Variants in EYA4 observed in about 807,000 individuals in gnomAD.
EYA4 encodes EYA transcriptional coactivator and phosphatase 4, also known as protein phosphatase EYA4.
In EYA4, 31 loss-of-function variants were observed where a neutral mutation model predicts 87.9. The ratio of observed to expected loss-of-function variants is 0.35; its 90% CI spans 0.27 to 0.48. The LOEUF is 0.48. Ranked by LOEUF, EYA4 falls within the 20% of genes least tolerant of loss-of-function variation. The probability of loss-of-function intolerance (pLI) is 0.99; values close to 1 mark genes in which losing one functional copy is unlikely to be tolerated. For missense variants in EYA4, 678 were observed against 761.4 expected (o/e 0.89, Z 1.29); for synonymous variants, 263 against 270.6 (o/e 0.97, Z 0.28).
rs554131765 is a variant in EYA4 at position 133,303,032 on chromosome 6, T to C, written c.33+28219T>C. Reference sequence around the variant, plus strand: ...CAATATGTTAATGAATGAATGTTACTGTGTTCTAATAAAACTTTATTTCCA... The same window carrying C: ...CAATATGTTAATGAATGAATGTTACCGTGTTCTAATAAAACTTTATTTCCA... On this transcript the variant is annotated intron_variant, in intron 2 of 19. Transcript: ENST00000355286. Among the ~76,000 whole-genome samples, 17 of 152,364 alleles carry C rather than the reference T, an allele frequency of 1.1e-4. No homozygotes were observed. The East Asian group carries it at 2.7e-3, about 24-fold the overall frequency.
intron 3 of EYA4, among the ~76,000 whole-genome samples, chr6:133,392,433 C>T (rs566227968): frequency 1.9e-4 from 29 of 152,158 alleles, no homozygotes; most frequent in African/African-American, 6.3e-4. Flanking sequence ...GTATTGAGAG[C>T]TCACCAATGG....
intron 5 of EYA4, among the ~76,000 whole-genome samples, chr6:133,455,373 AACATTT>A (rs151303254): frequency 0.02 from 2,983 of 152,240 alleles, 88 homozygotes; most frequent in African/African-American, 0.068. Context: ...TTCTGTTTCC[AACATTT>A]ACATTTCTCC....
rs544230974 is a variant in EYA4 at position 133,390,189 on chromosome 6, C to G, written c.83+7748C>G. Among the ~76,000 whole-genome samples, 12 of 152,186 alleles carry G rather than the reference C, an allele frequency of 7.9e-5. No individual in the cohort carries two copies. In the South Asian group the frequency reaches 2.5e-3, roughly 32 times the overall value. ...CACAAAAGGTCAGGGGTTTTCTGGG[C>G]TACCTGTTGTCCACTCTCCTAGTTC... On this transcript the variant is annotated intron_variant, in intron 3 of 19. Transcript: ENST00000355286.
At position 133,531,987 on chromosome 6, in the gene EYA4, G is replaced by T. The variant is rs565969311; in HGVS notation, c.*3182G>T. On this transcript the variant is annotated 3_prime_UTR_variant, in exon 20 of 20. Coordinates refer to ENST00000355286, the MANE Select transcript of EYA4 (RefSeq NM_004100.5). ...TCACAATGTCAAGGGTTTCTGTTAT[G>T]TATTAGTAAAGTATAGATTATTGGG... 6.6e-6 allele frequency: 1 copy of T among 152,276 alleles called. No homozygotes were observed. Among genetic ancestry groups the T allele is most frequent in the Non-Finnish European group, 1.5e-5 (1 of 68,018 alleles). The allele number at this position is 152,276 out of a possible 1,614,324, so 9.4% of individuals were successfully genotyped here.
At chr6:133,255,965 T>A (rs1775301740) in intron 1 of EYA4, among the ~76,000 whole-genome samples, 1 of 152,016 alleles carries the variant, frequency 6.6e-6, no homozygotes, top group Non-Finnish European at 1.5e-5. Flanking sequence ...GCATTTTCCA[T>A]AGAAAATACC....
intron 2 of EYA4, among the ~76,000 whole-genome samples, chr6:133,355,935 C>G (rs1277169408): frequency 6.6e-6 from 1 of 151,932 alleles, no homozygotes; most frequent in African/African-American, 2.4e-5. Context: ...ATGCATTTCT[C>G]ACAGGTCTGG....
intron 5 of EYA4, among the ~76,000 whole-genome samples, chr6:133,450,952 C>G (rs927333479): frequency 6.6e-6 from 1 of 152,192 alleles, no homozygotes; most frequent in African/African-American, 2.4e-5. Context: ...ATAATTACAT[C>G]TGCAGATTTA....
chr6:133,424,440 G>GC (rs777814237), intron 3 of EYA4, among the ~76,000 whole-genome samples: 3 of 152,066 alleles, frequency 2.0e-5, no homozygotes, highest in Non-Finnish European at 4.4e-5. Context: ...CCTGGTCTCG[G>GC]CCCCAACCCC....
intron 16 of EYA4, among the ~76,000 whole-genome samples, chr6:133,513,900 A>G (rs578153385): frequency 6.6e-6 from 1 of 152,310 alleles, no homozygotes; most frequent in East Asian, 1.9e-4. Flanking sequence ...CATACTATAC[A>G]TACATATATT....
intron 11 of EYA4, among the ~76,000 whole-genome samples, chr6:133,472,957 C>T (rs1795404569): frequency 6.6e-6 from 1 of 151,678 alleles, no homozygotes; most frequent in South Asian, 2.1e-4. Context: ...GTAGATCTTC[C>T]TCCATCCTTT....
rs141510332 is a variant in EYA4 at position 133,365,892 on chromosome 6, G to A, written c.34-16500G>A. 4.9e-3 allele frequency among the ~76,000 whole-genome samples: 748 copies of A among 152,270 alleles called. 7 individuals are homozygous for A. Among genetic ancestry groups the A allele is most frequent in the African/African-American group, 0.016 (684 of 41,540 alleles). On this transcript the variant is annotated intron_variant, in intron 2 of 19. Coordinates refer to ENST00000355286, the MANE Select transcript of EYA4 (RefSeq NM_004100.5). ...TTTGCACTAAGAATTGGCTAGCTCT[G>A]GGAGTATAGTCTCTTCCCATTCAGT...
chr6:133,464,283 A>T (rs2128663732), intron 9 of EYA4, among the ~76,000 whole-genome samples: 1 of 152,258 alleles, frequency 6.6e-6, no homozygotes, highest in South Asian at 2.1e-4. Context: ...CCTAATTCAC[A>T]GCTATTTTTG....
At chr6:133,425,293 G>T (rs1790571330) in intron 3 of EYA4, among the ~76,000 whole-genome samples, 1 of 150,590 alleles carries the variant, frequency 6.6e-6, no homozygotes, top group Admixed American at 6.6e-5. Context: ...GGTGTTAAAG[G>T]AACTTAGACA....
chr6:133,317,075 A>G (rs1284071346), intron 2 of EYA4, among the ~76,000 whole-genome samples: 3 of 152,230 alleles, frequency 2.0e-5, no homozygotes, highest in Non-Finnish European at 4.4e-5. Context: ...GGTTAGAGAG[A>G]CAAGAGTCTA....
intron 2 of EYA4, among the ~76,000 whole-genome samples, chr6:133,282,865 C>T (rs1777741568): frequency 6.6e-6 from 1 of 152,154 alleles, no homozygotes. Context: ...GGTGAGTTGT[C>T]AAGATCCCTG....
chr6:133,378,926 G>GGT (rs10681162), intron 2 of EYA4, among the ~76,000 whole-genome samples: 62,292 of 141,420 alleles, frequency 0.44, 14,313 homozygotes, highest in Non-Finnish European at 0.54. Flanking sequence ...TTTCTGTCTT[G>GGT]GTGTGTGTGT....
At chr6:133,268,446 G>A (rs1776404196) in intron 1 of EYA4, among the ~76,000 whole-genome samples, 2 of 152,064 alleles carry the variant, frequency 1.3e-5, no homozygotes. Flanking sequence ...GATTTTCCTC[G>A]GAAAGAGAGC....
chr6:133,391,216 G>GTTTTTTTTTTTTTTTTTTTTTTT (rs1171912624), intron 3 of EYA4, among the ~76,000 whole-genome samples: 2 of 68,954 alleles, frequency 2.9e-5, no homozygotes, highest in Admixed American at 1.4e-4. Flanking sequence ...TTTGGGTTTT[G>GTTTTTTTTTTTTTTTTTTTTTTT]TTTTTGTTTT....
At chr6:133,273,093 A>AT (rs1258878270) in intron 1 of EYA4, among the ~76,000 whole-genome samples, 1 of 117,020 alleles carries the variant, frequency 8.5e-6, no homozygotes, top group East Asian at 2.4e-4. Context: ...GGAGATATAT[A>AT]TATGTATATA....
Sources: allele counts gnomAD v4.1 joint callset (sites outside exome capture counted in the v4.1 genomes callset), GRCh38; gene constraint gnomAD v4.1.1; transcripts MANE v1.5; gene names NCBI Gene and HGNC (gene_info 2026-07-23, HGNC 2026-07-21).